SH3RF1: variants seen among roughly 807,000 people sequenced by gnomAD.
The protein encoded by SH3RF1 is SH3 domain containing ring finger 1, also known as E3 ubiquitin-protein ligase SH3RF1.
Under a neutral mutation model 74.0 loss-of-function variants are expected in SH3RF1, and 32 were observed. The ratio of observed to expected loss-of-function variants is 0.43; its 90% CI spans 0.33 to 0.58. The LOEUF is 0.58. Ranked by LOEUF, SH3RF1 falls within the 20% of genes least tolerant of loss-of-function variation. SH3RF1 has a pLI of 0.05. For missense variants in SH3RF1, 954 were observed against 1,130.9 expected (o/e 0.84, Z 2.24); for synonymous variants, 396 against 439.6 (o/e 0.90, Z 1.24).
Position 169,269,239 on chromosome 4 carries a change from C to G in SH3RF1, c.-27G>C. On this transcript the variant is annotated 5_prime_UTR_variant, in exon 2 of 12. Coordinates refer to ENST00000284637, the MANE Select transcript of SH3RF1 (RefSeq NM_020870.4). The stretch of plus-strand genomic sequence containing the variant: ...TTTATCTACTTTACTGAGAAAAAAT[C>G]TTCAGAAATGTTCATAGTTGTGTGC... 1 of 1,532,230 alleles carries G rather than the reference C, an allele frequency of 6.5e-7. No individual in the cohort carries two copies. The highest frequency in any genetic ancestry group is 8.7e-7 in the Non-Finnish European group (1 of 1,147,202). The allele number at this position is 1,532,230 out of a possible 1,614,324, so 94.9% of individuals were successfully genotyped here.
Position 169,096,349 on chromosome 4 carries a change from C to A in SH3RF1, c.*170G>T, listed in dbSNP as rs1414126984. 2.5e-5 allele frequency: 16 copies of A among 650,492 alleles called. No individual in the cohort carries two copies. The East Asian group carries it at 4.4e-4, about 18-fold the overall frequency. 40.3% of individuals were successfully genotyped at this position (650,492 alleles called of 1,614,324 possible). The stretch of plus-strand genomic sequence containing the variant: ...AGACTAACAAAACCCACACAAACAT[C>A]TTCTTCATTCTGCTCGCTGGGGTAA... On this transcript the variant is annotated 3_prime_UTR_variant, in exon 12 of 12. Coordinates refer to ENST00000284637, the MANE Select transcript of SH3RF1 (RefSeq NM_020870.4).
intron 2 of SH3RF1, among the ~76,000 whole-genome samples, chr4:169,167,667 C>T (rs772514221): frequency 6.6e-5 from 10 of 152,004 alleles, no homozygotes; most frequent in African/African-American, 9.6e-5. Flanking sequence ...ACAGGTGAAA[C>T]GAATCTCTTG....
intron 2 of SH3RF1, among the ~76,000 whole-genome samples, chr4:169,165,063 G>T (rs1274117250): frequency 6.6e-6 from 1 of 152,180 alleles, no homozygotes; most frequent in African/African-American, 2.4e-5. Flanking sequence ...CAGAGAGCAG[G>T]AATATTTACT....
At position 169,236,074 on chromosome 4, in the gene SH3RF1, T is replaced by C. The variant is rs141444808; in HGVS notation, c.393+32746A>G. Among the ~76,000 whole-genome samples the C allele has an allele frequency of 3.3e-5, 5 of 152,368 alleles. No individual in the cohort carries two copies. The East Asian group carries it at 7.7e-4, about 23-fold the overall frequency. On this transcript the variant is annotated intron_variant, in intron 2 of 11. Coordinates refer to ENST00000284637, the MANE Select transcript of SH3RF1 (RefSeq NM_020870.4). ...CTCAGGATCCTTGCCATGTGTTTTC[T>C]GACAGTTCTAGCCACTGGCACAGCA... is the stretch of plus-strand genomic sequence containing the variant.
chr4:169,118,023 A>G (rs1733366406), intron 8 of SH3RF1, among the ~76,000 whole-genome samples: 1 of 152,244 alleles, frequency 6.6e-6, no homozygotes, highest in Admixed American at 6.5e-5. Context: ...TCAAGAATAT[A>G]CAGTTATTGC....
chr4:169,116,721 T>C (rs1733340854), intron 9 of SH3RF1, 91 bp from the exon 10 acceptor site: 1 of 1,441,310 alleles, frequency 6.9e-7, no homozygotes, highest in Non-Finnish European at 9.2e-7. Flanking sequence ...CATCAGACCA[T>C]GATGAAAGGC....
chr4:169,156,962 G>A (rs1233147399), intron 2 of SH3RF1, among the ~76,000 whole-genome samples: 1 of 152,062 alleles, frequency 6.6e-6, no homozygotes, highest in Admixed American at 6.6e-5. Context: ...CTTTCTTTGA[G>A]GTTATCAGTA....
At chr4:169,213,000 C>G (rs776581458) in intron 2 of SH3RF1, among the ~76,000 whole-genome samples, 4 of 152,192 alleles carry the variant, frequency 2.6e-5, no homozygotes, top group Non-Finnish European at 4.4e-5. Context: ...TTATAAATAT[C>G]CATGTGCAGG....
intron 2 of SH3RF1, among the ~76,000 whole-genome samples, chr4:169,216,560 G>A (rs554103930): frequency 1.4e-4 from 21 of 152,156 alleles, no homozygotes; most frequent in Admixed American, 1.0e-3. Context: ...TGCTTTCTCC[G>A]CCAGGAATGG....
chr4:169,211,476 C>T (rs185538688), intron 2 of SH3RF1, among the ~76,000 whole-genome samples: 21 of 114,098 alleles, frequency 1.8e-4, no homozygotes, highest in Non-Finnish European at 2.4e-4. Context: ...AGCGAGACTC[C>T]GTCTCAAAAA....
At chr4:169,172,206 C>G (rs1426815454) in intron 2 of SH3RF1, among the ~76,000 whole-genome samples, 1 of 152,214 alleles carries the variant, frequency 6.6e-6, no homozygotes, top group Non-Finnish European at 1.5e-5. Flanking sequence ...AAAGCCACGA[C>G]CAGCTCAGTT....
chr4:169,104,555 T>C (rs1733099607), intron 11 of SH3RF1, among the ~76,000 whole-genome samples: 1 of 152,004 alleles, frequency 6.6e-6, no homozygotes, highest in African/African-American at 2.4e-5. Flanking sequence ...TTAAAACTGG[T>C]TTTAGGGGGT....
intron 2 of SH3RF1, among the ~76,000 whole-genome samples, chr4:169,262,118 G>A (rs541785970): frequency 1.3e-5 from 2 of 152,096 alleles, no homozygotes; most frequent in South Asian, 4.2e-4. Context: ...AACTGGAGTA[G>A]GTCTATGTGC....
chr4:169,121,979 G>T, intron 7 of SH3RF1, 121 bp downstream of exon 7: 1 of 1,329,232 alleles, frequency 7.5e-7, no homozygotes, highest in Non-Finnish European at 1.0e-6. Flanking sequence ...GCAGGACACA[G>T]ACCGCTTGGT....
chr4:169,134,523 A>T (rs1054864099), intron 5 of SH3RF1, among the ~76,000 whole-genome samples: 7 of 152,224 alleles, frequency 4.6e-5, no homozygotes, highest in African/African-American at 1.4e-4. Context: ...TCAAGACAAC[A>T]TCATTGTGCA....
intron 2 of SH3RF1, among the ~76,000 whole-genome samples, chr4:169,172,001 C>G (rs1296530284): frequency 6.6e-6 from 1 of 152,166 alleles, no homozygotes; most frequent in Non-Finnish European, 1.5e-5. Context: ...TTAATTACAG[C>G]TACAGAATAG....
intron 2 of SH3RF1, among the ~76,000 whole-genome samples, chr4:169,212,959 T>C (rs2126997109): frequency 6.6e-6 from 1 of 152,368 alleles, no homozygotes; most frequent in Non-Finnish European, 1.5e-5. Context: ...TTTTGGTTGC[T>C]TCCAAGTTTT....
intron 2 of SH3RF1, among the ~76,000 whole-genome samples, chr4:169,202,660 G>A (rs931994259): frequency 3.3e-5 from 5 of 152,196 alleles, no homozygotes; most frequent in African/African-American, 1.2e-4. Flanking sequence ...TTCCAAGCCT[G>A]CCTCCCTATT....
At chr4:169,166,519 A>AAAG (rs4048784) in intron 2 of SH3RF1, 57,570 of 192,882 alleles carry the variant, frequency 0.3, 9,179 homozygotes, top group African/African-American at 0.4. Flanking sequence ...TTGAAAAGAA[A>AAAG]AAGGAGAAAG....
Sources: gnomAD v4.1 joint callset for allele counts (sites outside exome capture counted in the v4.1 genomes callset) on GRCh38, gnomAD v4.1.1 for gene constraint, MANE v1.5 for transcripts, NCBI Gene and HGNC (gene_info 2026-07-23, HGNC 2026-07-21) for gene names.